RPS6KC1: variants seen among roughly 807,000 people sequenced by gnomAD.
The protein encoded by RPS6KC1 is ribosomal protein S6 kinase C1.
Under a neutral mutation model 103.8 loss-of-function variants are expected in RPS6KC1, and 54 were observed. The observed-to-expected ratio is 0.52, with a 90% CI of 0.42 to 0.65. The LOEUF (loss-of-function observed/expected upper bound fraction) is 0.65, where lower values mean the gene tolerates loss of function less well. RPS6KC1 is among the 30% of genes least tolerant of loss of function. RPS6KC1 has a pLI of 0.00. For missense variants in RPS6KC1, 1,151 were observed against 1,253.8 expected, an observed-to-expected ratio of 0.92 and a Z score of 1.24; for synonymous variants, 439 against 438.7, an observed-to-expected ratio of 1.00 and a Z score of -0.01.
At chr1:213,630,371 C>T in the RPS6KC1 span, among the ~76,000 whole-genome samples, 8 of 152,206 alleles carry the variant, frequency 5.3e-5, no homozygotes, top group South Asian at 2.1e-4. Flanking sequence ...TTGATCAAAT[C>T]GGCTACTGAG....
At chr1:213,071,163 C>G (rs1385265032) in intron 2 of RPS6KC1, 122 bp downstream of exon 2, 2 of 566,304 alleles carry the variant, frequency 3.5e-6, no homozygotes, top group Non-Finnish European at 6.1e-6. Flanking sequence ...GAGTTTCGCT[C>G]CTGTTGCTCA....
chr1:213,111,140 C>T (rs1405998940), intron 4 of RPS6KC1, among the ~76,000 whole-genome samples: 1 of 151,900 alleles, frequency 6.6e-6, no homozygotes, highest in African/African-American at 2.4e-5. Flanking sequence ...TTCTCGGTAA[C>T]CACTCTTTCA....
At chr1:213,261,703 A>G in intron 13 of RPS6KC1, 63 bp downstream of exon 13, 4 of 1,382,876 alleles carry the variant, frequency 2.9e-6, no homozygotes, top group Non-Finnish European at 4.1e-6. Context: ...CAAATTAAGA[A>G]CATTAGCCTT....
chr1:213,331,190 A>G, the RPS6KC1 span, among the ~76,000 whole-genome samples: 1 of 152,316 alleles, frequency 6.6e-6, no homozygotes, highest in East Asian at 1.9e-4. Flanking sequence ...TTAATGATGT[A>G]TGGAGGATTC....
At chr1:213,745,233 T>G in the RPS6KC1 span, among the ~76,000 whole-genome samples, 3 of 151,900 alleles carry the variant, frequency 2.0e-5, no homozygotes, top group African/African-American at 7.2e-5. Flanking sequence ...TAGGGTTTTT[T>G]TTTTTCTTTA....
the RPS6KC1 span, among the ~76,000 whole-genome samples, chr1:213,683,351 T>C: frequency 6.6e-6 from 1 of 152,142 alleles, no homozygotes; most frequent in Non-Finnish European, 1.5e-5. Context: ...TCAAAATGTA[T>C]TTGTCTTAAG....
At chr1:213,277,595 G>A (rs899511828), downstream of RPS6KC1, among the ~76,000 whole-genome samples, 2 of 152,204 alleles carry the variant, frequency 1.3e-5, no homozygotes, top group African/African-American at 2.4e-5. Context: ...AAAAACTGAC[G>A]CTATTTCTAC....
the RPS6KC1 span, among the ~76,000 whole-genome samples, chr1:213,313,674 CAGAAACTTGG>C: frequency 1.6e-3 from 247 of 152,274 alleles, 1 homozygote; most frequent in Admixed American, 3.3e-3. Context: ...CTTAGAATAA[CAGAAACTTGG>C]CCAGTTGCGG....
chr1:213,204,900 A>G (rs2093291223), intron 8 of RPS6KC1, among the ~76,000 whole-genome samples: 1 of 152,152 alleles, frequency 6.6e-6, no homozygotes, highest in Non-Finnish European at 1.5e-5. Flanking sequence ...AAGTGCTGGG[A>G]TTACAAGCAT....
At chr1:213,156,541 C>A (rs2089908695) in intron 6 of RPS6KC1, among the ~76,000 whole-genome samples, 1 of 152,126 alleles carries the variant, frequency 6.6e-6, no homozygotes, top group Non-Finnish European at 1.5e-5. Flanking sequence ...ACATGATAAT[C>A]AAATTGCTCA....
At chr1:213,726,110 T>A in the RPS6KC1 span, among the ~76,000 whole-genome samples, 1 of 152,162 alleles carries the variant, frequency 6.6e-6, no homozygotes, top group Non-Finnish European at 1.5e-5. Flanking sequence ...TTAGAGACAG[T>A]GTCTTGTTCT....
chr1:213,685,937 T>G, the RPS6KC1 span, among the ~76,000 whole-genome samples: 1 of 152,216 alleles, frequency 6.6e-6, no homozygotes, highest in African/African-American at 2.4e-5. Context: ...GATGCCTCAG[T>G]GATTTTTTTT....
intron 6 of RPS6KC1, among the ~76,000 whole-genome samples, chr1:213,152,980 G>A (rs533054589): frequency 1.2e-3 from 179 of 152,366 alleles, no homozygotes; most frequent in Non-Finnish European, 2.2e-3. Context: ...GACTCCATCT[G>A]CAATCCCGGC....
At chr1:213,627,524 G>A in the RPS6KC1 span, among the ~76,000 whole-genome samples, 1 of 152,202 alleles carries the variant, frequency 6.6e-6, no homozygotes, top group Admixed American at 6.5e-5. Context: ...AATGCTTCCA[G>A]TTTTTGCCCA....
chr1:213,542,597 A>T, the RPS6KC1 span, among the ~76,000 whole-genome samples: 2 of 152,196 alleles, frequency 1.3e-5, no homozygotes, highest in Non-Finnish European at 2.9e-5. Flanking sequence ...AGCTACAGAG[A>T]TGATGAGAGG....
intron 8 of RPS6KC1, among the ~76,000 whole-genome samples, chr1:213,229,830 C>T (rs147792338): frequency 3.0e-4 from 46 of 152,178 alleles, no homozygotes; most frequent in African/African-American, 9.2e-4. Context: ...AAACCCTGGC[C>T]GCTGTTTTGA....
intron 12 of RPS6KC1, among the ~76,000 whole-genome samples, chr1:213,254,562 T>G (rs1169864328): frequency 1.3e-5 from 2 of 152,194 alleles, no homozygotes; most frequent in Non-Finnish European, 2.9e-5. Flanking sequence ...GAAAACACTT[T>G]CAGGATCATA....
intron 8 of RPS6KC1, among the ~76,000 whole-genome samples, chr1:213,180,075 T>A (rs1174236178): frequency 6.6e-6 from 1 of 152,206 alleles, no homozygotes; most frequent in African/African-American, 2.4e-5. Flanking sequence ...TGTTCTTCAA[T>A]TGGGATTATA....
At chr1:213,838,125 T>C in the RPS6KC1 span, among the ~76,000 whole-genome samples, 5 of 152,212 alleles carry the variant, frequency 3.3e-5, no homozygotes, top group African/African-American at 1.2e-4. Context: ...GTAATTTTTA[T>C]CATGAAAACT....
Sources: gnomAD v4.1 joint callset for allele counts (sites outside exome capture counted in the v4.1 genomes callset) on GRCh38, gnomAD v4.1.1 for gene constraint, MANE v1.5 for transcripts, NCBI Gene and HGNC (gene_info 2026-07-23, HGNC 2026-07-21) for gene names.